The following TSPEAR variants were observed in gnomAD, a reference collection of about 807,000 sequenced individuals.
TSPEAR encodes thrombospondin type laminin G domain and EAR repeats.
Under a neutral mutation model 71.6 loss-of-function variants are expected in TSPEAR, and 69 were observed. The ratio of observed to expected loss-of-function variants is 0.96; its 90% confidence interval spans 0.79 to 1.18. The LOEUF is 1.18. Ranked by LOEUF, TSPEAR falls within the 50% of genes most tolerant of loss-of-function variation. The pLI, the probability that TSPEAR is intolerant of heterozygous loss-of-function variation, is 0.00. For missense variants in TSPEAR, 971 were observed against 894.9 expected (o/e 1.09, Z -1.09); for synonymous variants, 402 against 387.2 (o/e 1.04, Z -0.45).
In TSPEAR at chr21:44,678,018, G is replaced by A. The variant is rs587774466; in HGVS notation, c.82+33415C>T. The stretch of plus-strand genomic sequence containing the variant: ...GGCGGCATGGTCACAGTGGACGGAG[G>A]ACTAACTTCCCATAGAGACAACTCT... On this transcript the variant is annotated intron_variant, in intron 1 of 11. Coordinates refer to ENST00000323084, the MANE Select transcript of TSPEAR (RefSeq NM_144991.3). 2.0e-5 allele frequency: 17 copies of A among 834,010 alleles called. No homozygotes were observed. In the South Asian group the frequency reaches 2.4e-4, roughly 12 times the overall value. 51.7% of individuals were successfully genotyped at this position (834,010 alleles called of 1,614,324 possible). A position where few individuals can be genotyped will look rare whatever the true frequency, so the allele number is the denominator to read the frequency against.
intron 10 of TSPEAR, 24 bp downstream of exon 10, chr21:44,509,175 C>T: frequency 1.2e-6 from 2 of 1,607,680 alleles, no homozygotes; most frequent in Admixed American, 1.7e-5. Flanking sequence ...AGCCCACCTC[C>T]CACTGGCCTG....
chr21:44,551,361 G>A (rs1260806694), intron 2 of TSPEAR: 2 of 1,613,082 alleles, frequency 1.2e-6, no homozygotes, highest in Admixed American at 3.3e-5. Context: ...GCAGCTGGGG[G>A]TGCCGCAGGG....
intron 2 of TSPEAR, among the ~76,000 whole-genome samples, chr21:44,548,458 C>T (rs188912327): frequency 7.9e-5 from 12 of 152,144 alleles, no homozygotes; most frequent in Non-Finnish European, 1.3e-4. Context: ...GGTGGGTGGA[C>T]GGCAGGTGGG....
intron 1 of TSPEAR, among the ~76,000 whole-genome samples, chr21:44,635,607 G>A (rs1311182702): frequency 1.3e-5 from 2 of 152,118 alleles, no homozygotes; most frequent in African/African-American, 4.8e-5. Flanking sequence ...GAAATGTGCA[G>A]AACAGGCAAA....
intron 1 of TSPEAR, among the ~76,000 whole-genome samples, chr21:44,573,105 G>A (rs755759036): frequency 2.0e-5 from 3 of 152,132 alleles, no homozygotes; most frequent in African/African-American, 4.8e-5. Flanking sequence ...TGACCAGCCA[G>A]TTTGTGGTAC....
At chr21:44,517,913 C>G (rs79088222) in intron 9 of TSPEAR, 5,598 of 467,492 alleles carry the variant, frequency 0.012, 258 homozygotes, top group African/African-American at 0.097. Flanking sequence ...TTTCTTCAAG[C>G]CTTCTCTGAC....
intron 2 of TSPEAR, chr21:44,539,809 G>A (rs1555916925): frequency 6.2e-6 from 10 of 1,613,328 alleles, no homozygotes; most frequent in Non-Finnish European, 8.5e-6. Flanking sequence ...AATCCTTAGA[G>A]CAGGTGGGCA....
At chr21:44,551,501 A>AGTGAGTGAGTGAGTGAGTGT in intron 2 of TSPEAR, 2 of 1,570,738 alleles carry the variant, frequency 1.3e-6, no homozygotes, top group Middle Eastern at 2.2e-4. Context: ...TGTGTGAGTG[A>AGTGAGTGAGTGAGTGAGTGT]GTGAGTGTGT....
intron 1 of TSPEAR, among the ~76,000 whole-genome samples, chr21:44,698,474 G>A (rs188359615): frequency 1.2e-4 from 18 of 152,316 alleles, no homozygotes; most frequent in Admixed American, 5.2e-4. Flanking sequence ...CGGAGCGGCC[G>A]TCCCCACCCC....
intron 1 of TSPEAR, chr21:44,646,803 T>C (rs782551711): frequency 5.6e-6 from 9 of 1,612,672 alleles, no homozygotes; most frequent in Admixed American, 5.0e-5. Flanking sequence ...CTGTGTGCTG[T>C]GTGCCTGTCT....
intron 1 of TSPEAR, among the ~76,000 whole-genome samples, chr21:44,671,998 G>C (rs1986077015): frequency 1.3e-5 from 2 of 151,994 alleles, no homozygotes; most frequent in Non-Finnish European, 2.9e-5. Flanking sequence ...CAAAGAGACA[G>C]ATATCATAAC....
At chr21:44,665,035 A>T (rs1985681864) in intron 1 of TSPEAR, among the ~76,000 whole-genome samples, 1 of 152,162 alleles carries the variant, frequency 6.6e-6, no homozygotes, top group African/African-American at 2.4e-5. Flanking sequence ...TGTGTGCATA[A>T]GTGTGTGCAC....
intron 2 of TSPEAR, among the ~76,000 whole-genome samples, chr21:44,545,549 C>A (rs1555917678): frequency 1.3e-5 from 2 of 151,974 alleles, no homozygotes; most frequent in African/African-American, 2.4e-5. Flanking sequence ...AATGATCAAA[C>A]TCATAGAAAC....
In TSPEAR at chr21:44,612,209, AC is replaced by A; in HGVS notation, c.83-44205del. On this transcript the variant is annotated intron_variant, in intron 1 of 11. Coordinates refer to ENST00000323084, the MANE Select transcript of TSPEAR (RefSeq NM_144991.3). The surrounding 1 kb of genome is among the most constrained non-coding windows in gnomAD (Gnocchi z 4.1). ...CCGAGTCTCCTCCCCCAGCACCTGC[AC>A]TGGCTCCTCCTGGCAGGTGGACAAT... The A allele has an allele frequency of 6.2e-7, 1 of 1,613,892 alleles. No individual in the cohort carries two copies. The highest frequency in any genetic ancestry group is 8.5e-7 in the Non-Finnish European group (1 of 1,179,972).
intron 8 of TSPEAR, 112 bp from the exon 9 acceptor site, chr21:44,522,224 G>T: frequency 1.9e-6 from 2 of 1,038,854 alleles, no homozygotes; most frequent in Non-Finnish European, 1.5e-6. Context: ...GAAGACCCAC[G>T]AGGACAAGGC....
chr21:44,580,474 G>T (rs1555924924), intron 1 of TSPEAR: 1 of 1,613,072 alleles, frequency 6.2e-7, no homozygotes, highest in African/African-American at 1.3e-5. Context: ...GGGTCAGGCA[G>T]GGGGCGGTGC....
At chr21:44,653,432 G>A (rs782110118) in intron 1 of TSPEAR, among the ~76,000 whole-genome samples, 15 of 152,114 alleles carry the variant, frequency 9.9e-5, no homozygotes, top group East Asian at 1.9e-4. Context: ...ACACGGAGCC[G>A]GAATCTCTGA....
Position 44,642,724 on chromosome 21 carries a change from C to T in TSPEAR, c.82+68709G>A, listed in dbSNP as rs587611540. On this transcript the variant is annotated intron_variant, in intron 1 of 11. Coordinates refer to ENST00000323084, the MANE Select transcript of TSPEAR (RefSeq NM_144991.3). The surrounding 1 kb of genome is among the most constrained non-coding windows in gnomAD (Gnocchi z 4.1). Reference sequence around the variant, plus strand: ...AGGTGTGGTGGCAGGCGCCTGTAGTCCCAGCTACCTGGGAGGCTGAGGCAG... The same window carrying T: ...AGGTGTGGTGGCAGGCGCCTGTAGTTCCAGCTACCTGGGAGGCTGAGGCAG... Among the ~76,000 whole-genome samples the T allele has an allele frequency of 1.3e-5, 2 of 152,204 alleles. No homozygotes were observed. Among genetic ancestry groups the T allele is most frequent in the East Asian group, 3.9e-4 (2 of 5,182 alleles).
intron 11 of TSPEAR, among the ~76,000 whole-genome samples, chr21:44,501,613 A>G (rs902339359): frequency 3.9e-5 from 6 of 151,934 alleles, no homozygotes; most frequent in Non-Finnish European, 8.8e-5. Context: ...GAAAAAATAA[A>G]ATTAGCCAGG....
Sources: allele counts gnomAD v4.1 joint callset (sites outside exome capture counted in the v4.1 genomes callset), GRCh38; gene constraint gnomAD v4.1.1; non-coding constraint Gnocchi (gnomAD v3.1); transcripts MANE v1.5; gene names NCBI Gene and HGNC (gene_info 2026-07-23, HGNC 2026-07-21).